Variants in LYPD6 observed in about 807,000 individuals in gnomAD.
LYPD6 encodes the protein ly6/PLAUR domain-containing protein 6.
LYPD6 carries 15 observed loss-of-function variants against 22.7 expected under a neutral mutation model. That is an observed-to-expected ratio of 0.66 (90% CI 0.44 to 1.02). The LOEUF (loss-of-function observed/expected upper bound fraction) is 1.02. LYPD6 is among the 50% of genes least tolerant of loss of function. LYPD6 has a pLI of 0.00. For synonymous variants in LYPD6, 72 were observed against 77.5 expected, an observed-to-expected ratio of 0.93 and a Z score of 0.37; for missense variants, 189 against 208.4, an observed-to-expected ratio of 0.91 and a Z score of 0.57.
intron 1 of LYPD6, among the ~76,000 whole-genome samples, chr2:149,397,899 A>G (rs1212509977): frequency 6.6e-6 from 1 of 152,202 alleles, no homozygotes. Flanking sequence ...GAGGTTCTAG[A>G]AAATATAAGA....
intron 2 of LYPD6, among the ~76,000 whole-genome samples, chr2:149,442,534 G>A (rs1035771997): frequency 1.3e-5 from 2 of 151,588 alleles, no homozygotes; most frequent in Non-Finnish European, 2.9e-5. Flanking sequence ...AGCCAAATTA[G>A]ATTCATTCAC....
At chr2:149,351,298 G>A (rs1233595366) in intron 1 of LYPD6, among the ~76,000 whole-genome samples, 1 of 150,712 alleles carries the variant, frequency 6.6e-6, no homozygotes, top group Admixed American at 6.7e-5. Context: ...GGAGGCTGAG[G>A]CATGAGAATC....
chr2:149,398,413 T>TTGTGTG (rs10584410), intron 1 of LYPD6, among the ~76,000 whole-genome samples: 5 of 147,762 alleles, frequency 3.4e-5, no homozygotes, highest in East Asian at 4.0e-4. Context: ...AAAGATGGCT[T>TTGTGTG]TGTGTGTGTG....
intron 1 of LYPD6, among the ~76,000 whole-genome samples, chr2:149,341,308 A>T (rs1425275553): frequency 6.6e-6 from 1 of 152,076 alleles, no homozygotes; most frequent in Non-Finnish European, 1.5e-5. Context: ...CATCCTTCAA[A>T]GCCTAGTTCA....
At chr2:149,344,313 T>C (rs918231000) in intron 1 of LYPD6, among the ~76,000 whole-genome samples, 1 of 152,216 alleles carries the variant, frequency 6.6e-6, no homozygotes, top group African/African-American at 2.4e-5. Flanking sequence ...CTGCAAGCTA[T>C]GCACTTTTCC....
At chr2:149,409,871 A>G (rs1467842227) in intron 1 of LYPD6, among the ~76,000 whole-genome samples, 1 of 152,152 alleles carries the variant, frequency 6.6e-6, no homozygotes, top group Non-Finnish European at 1.5e-5. Flanking sequence ...GAAAAGAAGC[A>G]GCAGAATCAC....
chr2:149,349,955 T>A (rs928254374), intron 1 of LYPD6, among the ~76,000 whole-genome samples: 6 of 151,870 alleles, frequency 4.0e-5, no homozygotes, highest in African/African-American at 1.2e-4. Context: ...GAAAAAAAAA[T>A]ATATATGCTA....
upstream of LYPD6, chr2:149,330,497 G>A (rs1350588196): frequency 6.7e-6 from 1 of 149,224 alleles, no homozygotes; most frequent in Non-Finnish European, 1.5e-5. Context: ...GGCCGGGCCG[G>A]CCGCGGCTGC....
downstream of LYPD6, among the ~76,000 whole-genome samples, chr2:149,475,779 G>A (rs1351822321): frequency 6.6e-6 from 1 of 152,138 alleles, no homozygotes; most frequent in Admixed American, 6.6e-5. Context: ...TTGCAAAGCA[G>A]TTTTATATAC....
intron 1 of LYPD6, among the ~76,000 whole-genome samples, chr2:149,409,994 C>T (rs773714492): frequency 2.0e-5 from 3 of 152,168 alleles, no homozygotes; most frequent in Non-Finnish European, 4.4e-5. Flanking sequence ...AGCAAAAGGT[C>T]ATGATGTGCA....
rs544200523 is a variant in LYPD6, at chr2:149,369,688, A to G, written c.-72+38966A>G. Among the ~76,000 whole-genome samples, 484 of 152,286 alleles carry G rather than the reference A, an allele frequency of 3.2e-3. 1 individual carries two copies. The highest frequency in any genetic ancestry group is 8.7e-3 in the African/African-American group (361 of 41,554). On this transcript the variant is annotated intron_variant, in intron 1 of 4. Transcript: ENST00000334166. Reference sequence around the variant, plus strand: ...AAGAGGGGTCAAAAAAGCCAGACAAAGGGAGAGATTCAAAGAGGAGGGAGG... The same window carrying G: ...AAGAGGGGTCAAAAAAGCCAGACAAGGGGAGAGATTCAAAGAGGAGGGAGG...
the LYPD6 span, among the ~76,000 whole-genome samples, chr2:149,480,524 A>T: frequency 3.5e-5 from 1 of 28,792 alleles, no homozygotes; most frequent in Non-Finnish European, 6.9e-5. Flanking sequence ...CTCTCATGGG[A>T]CCCTGAACTT....
the LYPD6 span, among the ~76,000 whole-genome samples, chr2:149,482,499 C>T: frequency 6.6e-6 from 1 of 152,220 alleles, no homozygotes; most frequent in African/African-American, 2.4e-5. Context: ...CCATCAGCTA[C>T]AAAGCAGCAG....
At chr2:149,389,204 C>T (rs1413720723) in intron 1 of LYPD6, among the ~76,000 whole-genome samples, 1 of 152,110 alleles carries the variant, frequency 6.6e-6, no homozygotes, top group Non-Finnish European at 1.5e-5. Flanking sequence ...TGATAATAAT[C>T]TCCCTAACGT....
At chr2:149,414,808 T>G (rs1408728179) in intron 1 of LYPD6, among the ~76,000 whole-genome samples, 1 of 152,172 alleles carries the variant, frequency 6.6e-6, no homozygotes, top group Non-Finnish European at 1.5e-5. Context: ...ATGGTGACAG[T>G]TTAGCTTCTT....
the LYPD6 span, among the ~76,000 whole-genome samples, chr2:149,480,934 G>A: frequency 6.6e-6 from 1 of 152,148 alleles, no homozygotes; most frequent in African/African-American, 2.4e-5. Context: ...GAGCTCACGT[G>A]GGGTTGGCTG....
intron 1 of LYPD6, among the ~76,000 whole-genome samples, chr2:149,345,547 C>T (rs1399802829): frequency 6.6e-6 from 1 of 151,076 alleles, no homozygotes; most frequent in Non-Finnish European, 1.5e-5. Context: ...GATCTCCTGA[C>T]ATTGTGATCC....
intron 1 of LYPD6, among the ~76,000 whole-genome samples, chr2:149,359,990 T>A (rs1681540749): frequency 1.3e-5 from 2 of 152,202 alleles, no homozygotes; most frequent in Admixed American, 1.3e-4. Flanking sequence ...AGTTACTTCT[T>A]GATTATATGC....
At chr2:149,419,928 T>C (rs985547739) in intron 1 of LYPD6, among the ~76,000 whole-genome samples, 3 of 152,190 alleles carry the variant, frequency 2.0e-5, no homozygotes, top group East Asian at 1.9e-4. Flanking sequence ...GGTTTTGATA[T>C]TGGAACTATG....
Sources: gnomAD v4.1 joint callset for allele counts (sites outside exome capture counted in the v4.1 genomes callset) on GRCh38, gnomAD v4.1.1 for gene constraint, MANE v1.5 for transcripts, NCBI Gene and HGNC (gene_info 2026-07-23, HGNC 2026-07-21) for gene names.